The following MARCHF3 variants were observed in gnomAD, a reference collection of about 807,000 sequenced individuals.
MARCHF3 encodes membrane associated ring-CH-type finger 3.
Under a neutral mutation model 24.2 loss-of-function variants are expected in MARCHF3, and 13 were observed. That is an observed-to-expected ratio of 0.54 (90% CI 0.35 to 0.85). MARCHF3 has a LOEUF of 0.85. Among genes scored for constraint, MARCHF3 ranks in the 40% least tolerant of loss-of-function variants. The pLI is 0.01. For missense variants in MARCHF3, 276 were observed against 325.0 expected (o/e 0.85, Z 1.16); for synonymous variants, 144 against 137.3 (o/e 1.05, Z -0.34).
intron 4 of MARCHF3, among the ~76,000 whole-genome samples, chr5:126,874,203 G>A (rs1030938468): frequency 8.5e-5 from 13 of 152,120 alleles, no homozygotes; most frequent in Non-Finnish European, 1.6e-4. Flanking sequence ...AGTTGTGATC[G>A]CATGAATATT....
chr5:126,987,566 A>G (rs1033537277), intron 1 of MARCHF3, among the ~76,000 whole-genome samples: 2 of 152,078 alleles, frequency 1.3e-5, no homozygotes, highest in African/African-American at 4.8e-5. Context: ...TCTTTCTTTC[A>G]CCCCTCTGCC....
intron 1 of MARCHF3, among the ~76,000 whole-genome samples, chr5:126,930,903 T>C (rs1486134979): frequency 6.6e-6 from 1 of 152,232 alleles, no homozygotes; most frequent in Non-Finnish European, 1.5e-5. Context: ...TTTAGTGACA[T>C]GCATCTGTCA....
At chr5:126,919,880 G>A (rs1347049692) in intron 1 of MARCHF3, among the ~76,000 whole-genome samples, 2 of 152,190 alleles carry the variant, frequency 1.3e-5, no homozygotes, top group Non-Finnish European at 2.9e-5. Flanking sequence ...GTGGGGAGAC[G>A]GCTGTGGACT....
intron 1 of MARCHF3, among the ~76,000 whole-genome samples, chr5:126,988,368 C>T (rs1751637859): frequency 6.6e-6 from 1 of 152,178 alleles, no homozygotes; most frequent in Non-Finnish European, 1.5e-5. Context: ...AAAACTCAGC[C>T]CCTTGCTCTT....
intron 1 of MARCHF3, among the ~76,000 whole-genome samples, chr5:127,025,564 C>T (rs922941565): frequency 2.6e-5 from 4 of 152,140 alleles, no homozygotes; most frequent in Admixed American, 2.6e-4. Flanking sequence ...TTTCTCAGAG[C>T]TTAACATTTG....
chr5:126,926,683 C>T (rs1309857215), intron 1 of MARCHF3, among the ~76,000 whole-genome samples: 1 of 151,998 alleles, frequency 6.6e-6, no homozygotes, highest in Non-Finnish European at 1.5e-5. Context: ...GGAGACTGAG[C>T]TCTGGTTTTG....
chr5:127,017,523 C>G (rs1199136362), intron 1 of MARCHF3, among the ~76,000 whole-genome samples: 2 of 152,180 alleles, frequency 1.3e-5, no homozygotes, highest in African/African-American at 4.8e-5. Flanking sequence ...TTAGCTTAGC[C>G]TATCTCAAAC....
chr5:126,981,572 T>C (rs1751395522), intron 1 of MARCHF3, among the ~76,000 whole-genome samples: 1 of 152,262 alleles, frequency 6.6e-6, no homozygotes, highest in African/African-American at 2.4e-5. Context: ...AGGATATTAA[T>C]GTACTTTGCA....
intron 1 of MARCHF3, among the ~76,000 whole-genome samples, chr5:126,979,592 T>C (rs909103282): frequency 6.6e-6 from 1 of 152,210 alleles, no homozygotes; most frequent in Non-Finnish European, 1.5e-5. Context: ...TTACCTGTCC[T>C]CCATTTAAGT....
At chr5:126,981,705 T>G (rs991985164) in intron 1 of MARCHF3, among the ~76,000 whole-genome samples, 1 of 152,214 alleles carries the variant, frequency 6.6e-6, no homozygotes, top group Non-Finnish European at 1.5e-5. Flanking sequence ...TACCAGCAAA[T>G]TGAGAATTGT....
intron 1 of MARCHF3, among the ~76,000 whole-genome samples, chr5:126,918,701 G>T (rs979267057): frequency 6.6e-6 from 1 of 152,140 alleles, no homozygotes; most frequent in East Asian, 1.9e-4. Context: ...AGAGAAAGAA[G>T]GAAGGAAAAT....
At chr5:127,020,744 G>A (rs73339218) in intron 1 of MARCHF3, among the ~76,000 whole-genome samples, 2,042 of 152,140 alleles carry the variant, frequency 0.013, 43 homozygotes, top group African/African-American at 0.044. Context: ...ACAGCTACTC[G>A]GGAAGCTATG....
At chr5:127,022,356 T>C (rs1752831694) in intron 1 of MARCHF3, among the ~76,000 whole-genome samples, 3 of 152,218 alleles carry the variant, frequency 2.0e-5, no homozygotes, top group Admixed American at 2.0e-4. Context: ...GTGGAGTTCT[T>C]ACCTGAAAAG....
chr5:126,984,195 C>G (rs1208304079), intron 1 of MARCHF3, among the ~76,000 whole-genome samples: 1 of 152,036 alleles, frequency 6.6e-6, no homozygotes, highest in Admixed American at 6.6e-5. Flanking sequence ...TTTAAGAGGA[C>G]AGTGGTTCTA....
intron 3 of MARCHF3, among the ~76,000 whole-genome samples, chr5:126,904,069 T>C (rs540081626): frequency 4.0e-5 from 6 of 150,434 alleles, no homozygotes; most frequent in Admixed American, 1.3e-4. Flanking sequence ...CAGTGTTTGG[T>C]TTTTTGTTCT....
intron 1 of MARCHF3, among the ~76,000 whole-genome samples, chr5:127,003,785 T>A (rs962326874): frequency 6.6e-6 from 1 of 152,170 alleles, no homozygotes; most frequent in African/African-American, 2.4e-5. Flanking sequence ...TTATGTGTCA[T>A]GAGAGGATCC....
chr5:126,932,633 G>A (rs780352564), intron 1 of MARCHF3, among the ~76,000 whole-genome samples: 6 of 152,192 alleles, frequency 3.9e-5, no homozygotes, highest in African/African-American at 7.2e-5. Flanking sequence ...AGGTGTTACT[G>A]GAAGGTGAAG....
chr5:127,027,009 TC>T (rs1753020463), intron 1 of MARCHF3, among the ~76,000 whole-genome samples: 1 of 152,250 alleles, frequency 6.6e-6, no homozygotes, highest in South Asian at 2.1e-4. Flanking sequence ...TTCTGATAGA[TC>T]CTTTCTCTTT....
At chr5:126,922,555 A>T (rs868585514) in intron 1 of MARCHF3, among the ~76,000 whole-genome samples, 34 of 99,894 alleles carry the variant, frequency 3.4e-4, no homozygotes, top group Admixed American at 2.1e-3. Context: ...TTTATTTATT[A>T]TTTATTTTTG....
Sources: gnomAD v4.1 joint callset for allele counts (sites outside exome capture counted in the v4.1 genomes callset) on GRCh38, gnomAD v4.1.1 for gene constraint, MANE v1.5 for transcripts, NCBI Gene and HGNC (gene_info 2026-07-23, HGNC 2026-07-21) for gene names.